Variants in ADAM22 observed in about 807,000 individuals in gnomAD.
ADAM22 encodes disintegrin and metalloproteinase domain-containing protein 22.
A neutral mutation model predicts 144.6 loss-of-function variants in ADAM22; 65 were observed. That is an observed-to-expected ratio of 0.45 (90% CI 0.37 to 0.55). ADAM22 has a LOEUF of 0.55. ADAM22 is among the 20% of genes least tolerant of loss of function. The pLI is 0.00. For missense variants in ADAM22, 974 were observed against 1,184.9 expected, an observed-to-expected ratio of 0.82 and a Z score of 2.61; for synonymous variants, 391 against 412.6, an observed-to-expected ratio of 0.95 and a Z score of 0.63.
At chr7:88,009,139 A>C (rs1489496458) in intron 3 of ADAM22, among the ~76,000 whole-genome samples, 1 of 152,134 alleles carries the variant, frequency 6.6e-6, no homozygotes, top group Non-Finnish European at 1.5e-5. Flanking sequence ...ATGGCATTTC[A>C]AGTTTTGAGG....
At chr7:88,049,596 C>G (rs1023859758) in intron 3 of ADAM22, among the ~76,000 whole-genome samples, 1 of 152,128 alleles carries the variant, frequency 6.6e-6, no homozygotes, top group Non-Finnish European at 1.5e-5. Context: ...CAGGGTTTCT[C>G]CATGTTGGTC....
intron 6 of ADAM22, among the ~76,000 whole-genome samples, chr7:88,116,227 T>A (rs1285391486): frequency 6.6e-6 from 1 of 152,200 alleles, no homozygotes; most frequent in African/African-American, 2.4e-5. Flanking sequence ...GTTTATTAAC[T>A]TTTTAGAAGA....
At chr7:88,012,038 CTT>C (rs35274305) in intron 3 of ADAM22, among the ~76,000 whole-genome samples, 77 of 137,838 alleles carry the variant, frequency 5.6e-4, no homozygotes, top group East Asian at 1.7e-3. Flanking sequence ...GTTTTTTTTT[CTT>C]TTTTTTTTTT....
intron 2 of ADAM22, among the ~76,000 whole-genome samples, chr7:87,939,289 G>C (rs1032728825): frequency 2.6e-5 from 4 of 152,178 alleles, no homozygotes; most frequent in African/African-American, 7.2e-5. Flanking sequence ...GGGAATCAGG[G>C]TATGTTTTTG....
intron 31 of ADAM22, among the ~76,000 whole-genome samples, chr7:88,195,373 C>T (rs902444406): frequency 4.6e-5 from 7 of 151,990 alleles, no homozygotes; most frequent in East Asian, 1.9e-4. Flanking sequence ...GAAATTTGAC[C>T]GGAACAGGGC....
intron 2 of ADAM22, among the ~76,000 whole-genome samples, chr7:87,945,137 T>C (rs1225259685): frequency 6.6e-6 from 1 of 152,192 alleles, no homozygotes; most frequent in African/African-American, 2.4e-5. Context: ...CATTAAATAT[T>C]GATTTCCTAA....
intron 2 of ADAM22, among the ~76,000 whole-genome samples, chr7:87,944,274 C>G (rs565201544): frequency 1.3e-5 from 2 of 151,192 alleles, no homozygotes; most frequent in East Asian, 1.9e-4. Flanking sequence ...GGGGGTCAGG[C>G]TGGTACACAC....
rs79020229 is a variant in ADAM22, at chr7:87,974,894, T to C, written c.247-3442T>C. Among the ~76,000 whole-genome samples, 385 of 152,312 alleles carry C rather than the reference T, an allele frequency of 2.5e-3. 1 individual carries two copies. Among genetic ancestry groups the C allele is most frequent in the African/African-American group, 8.9e-3 (369 of 41,556 alleles). ...GTTCCTGCCCTCTTCCTCTTAGCAC[T>C]CTGATCTCTACTTCCACCATCATAC... is the stretch of plus-strand genomic sequence containing the variant. On this transcript the variant is annotated intron_variant, in intron 2 of 31. Transcript: ENST00000413139.
chr7:88,004,042 A>G (rs1359813084), intron 3 of ADAM22, among the ~76,000 whole-genome samples: 1 of 152,252 alleles, frequency 6.6e-6, no homozygotes, highest in East Asian at 1.9e-4. Flanking sequence ...TGGATCTTTA[A>G]CCATGTAAGC....
chr7:88,167,871 T>C (rs1424971799), intron 24 of ADAM22, among the ~76,000 whole-genome samples: 1 of 152,204 alleles, frequency 6.6e-6, no homozygotes, highest in Non-Finnish European at 1.5e-5. Flanking sequence ...TCTTCCCTCT[T>C]TTAGTTTAAT....
intron 3 of ADAM22, among the ~76,000 whole-genome samples, chr7:88,004,864 A>G (rs951457023): frequency 6.6e-6 from 1 of 151,990 alleles, no homozygotes; most frequent in Non-Finnish European, 1.5e-5. Flanking sequence ...AGAAAATGAC[A>G]TTTTTTCCAA....
Position 88,056,340 on chromosome 7 carries a change from A to G in ADAM22, c.324-19286A>G, listed in dbSNP as rs141135226. Among the ~76,000 whole-genome samples the G allele has an allele frequency of 3.3e-5, 5 of 152,292 alleles. No homozygotes were observed. In the East Asian group the frequency reaches 7.7e-4, roughly 24 times the overall value. Reference sequence around the variant, plus strand: ...AGAAGAATATGTCAGTGATGTAGATATATCTTGGATTCTTTTCACTTGGAT... The same window carrying G: ...AGAAGAATATGTCAGTGATGTAGATGTATCTTGGATTCTTTTCACTTGGAT... On this transcript the variant is annotated intron_variant, in intron 3 of 31. Transcript: ENST00000413139.
In ADAM22 at chr7:88,134,354, T is replaced by C. The variant is rs201936753; in HGVS notation, c.1103T>C (p.Val368Ala). The C allele has an allele frequency of 1.9e-6, 3 of 1,606,514 alleles. No individual in the cohort carries two copies. The highest frequency in any genetic ancestry group is 2.5e-6 in the Non-Finnish European group (3 of 1,177,938). ...NEFGKTDLMA[V>A]TLAQSLAHNI... ...TTTGGGAAAACTGATTTAATGGCTG[T>C]TACACTTGCCCAGTCATTAGCCCAT... Residue 368 changes from valine to alanine, a missense_variant, in exon 13 of 32, where the codon GTT (valine) becomes GCT (alanine). Val to Ala is a moderately conservative substitution (Grantham distance 64). This residue lies in a region of ADAM22 where 734 missense variants were observed against 950.6 expected (regional missense o/e 0.77). Coordinates refer to ENST00000413139, the MANE Select transcript of ADAM22 (RefSeq NM_001324418.2).
rs190789950 is a variant in ADAM22, at chr7:88,100,830, C to A, written c.391-7346C>A. 4.6e-5 allele frequency among the ~76,000 whole-genome samples: 7 copies of A among 152,052 alleles called. No homozygotes were observed. The South Asian group carries it at 6.2e-4, about 14-fold the overall frequency. ...ATGCCCAGCCTCCCAAGGAGACTTA[C>A]AACTGGGAAGGTGGAGTAAAGATTG... On this transcript the variant is annotated intron_variant, in intron 4 of 31. Transcript: ENST00000413139.
chr7:88,086,566 G>A (rs1004503262), intron 4 of ADAM22, among the ~76,000 whole-genome samples: 7 of 151,986 alleles, frequency 4.6e-5, no homozygotes, highest in African/African-American at 7.2e-5. Flanking sequence ...TTTCACTTAC[G>A]TTTATTTTCA....
chr7:88,107,243 C>T (rs928668300), intron 4 of ADAM22, among the ~76,000 whole-genome samples: 2 of 144,924 alleles, frequency 1.4e-5, no homozygotes, highest in Non-Finnish European at 3.0e-5. Context: ...TCTCTATCGC[C>T]CAGGCTGGAG....
chr7:88,056,443 T>C (rs1808278536), intron 3 of ADAM22, among the ~76,000 whole-genome samples: 1 of 152,238 alleles, frequency 6.6e-6, no homozygotes, highest in Non-Finnish European at 1.5e-5. Flanking sequence ...CATTATGCGT[T>C]GATTTCTCTT....
intron 3 of ADAM22, among the ~76,000 whole-genome samples, chr7:87,982,985 C>A (rs1270119810): frequency 6.6e-6 from 1 of 151,776 alleles, no homozygotes; most frequent in African/African-American, 2.4e-5. Context: ...GCCACCATGC[C>A]TGGCCCAGTT....
intron 4 of ADAM22, among the ~76,000 whole-genome samples, chr7:88,107,224 G>A (rs1381493207): frequency 5.1e-5 from 1 of 19,502 alleles, no homozygotes; most frequent in Non-Finnish European, 1.1e-4. Flanking sequence ...TTTTTTTTTT[G>A]AGACAGGGTC....
Sources: allele counts gnomAD v4.1 joint callset (sites outside exome capture counted in the v4.1 genomes callset), GRCh38; gene constraint gnomAD v4.1.1; regional missense constraint gnomAD v4.1.1; transcripts MANE v1.5; gene names NCBI Gene and HGNC (gene_info 2026-07-23, HGNC 2026-07-21).